Variants in VAT1L observed in about 807,000 individuals in gnomAD.
VAT1L encodes vesicle amine transport 1 like, also known as putative NADPH-dependent quinone oxidoreductase VAT1L.
In VAT1L, 34 loss-of-function variants were observed where a neutral mutation model predicts 44.1. The observed-to-expected ratio is 0.77, with a 90% CI of 0.59 to 1.03. The LOEUF is 1.03. Ranked by LOEUF, VAT1L falls within the 50% of genes least tolerant of loss-of-function variation. The pLI is 0.00. For synonymous variants in VAT1L, 253 were observed against 202.2 expected, an observed-to-expected ratio of 1.25 and a Z score of -2.13; for missense variants, 615 against 538.8, an observed-to-expected ratio of 1.14 and a Z score of -1.40.
At chr16:77,833,703 A>T (rs887032077) in intron 3 of VAT1L, among the ~76,000 whole-genome samples, 5 of 152,074 alleles carry the variant, frequency 3.3e-5, no homozygotes, top group Admixed American at 6.6e-5. Flanking sequence ...GTGAGCCGGG[A>T]TCACACCATT....
rs185903046 is a variant in VAT1L, at chr16:77,861,940, A to G, written c.580-808A>G. Among the ~76,000 whole-genome samples the G allele has an allele frequency of 2.5e-3, 381 of 152,316 alleles. 2 individuals carry two copies. Among genetic ancestry groups the G allele is most frequent in the Non-Finnish European group, 3.0e-3 (201 of 68,028 alleles). ...CATCTTTTATTGGCTGCCTTCTTTT[A>G]CTGTCTTAATACCTTGTTATTTCCG... On this transcript the variant is annotated intron_variant, in intron 3 of 8. Coordinates refer to ENST00000302536, the MANE Select transcript of VAT1L (RefSeq NM_020927.3).
At chr16:77,944,292 G>C (rs773531992) in intron 7 of VAT1L, among the ~76,000 whole-genome samples, 10 of 152,088 alleles carry the variant, frequency 6.6e-5, no homozygotes, top group Non-Finnish European at 1.3e-4. Context: ...TACTCTACTG[G>C]AATACTAGAG....
chr16:77,811,479 A>G (rs2016265070), intron 1 of VAT1L, among the ~76,000 whole-genome samples: 1 of 152,212 alleles, frequency 6.6e-6, no homozygotes, highest in Admixed American at 6.5e-5. Flanking sequence ...ACCATGGTTT[A>G]TAGATCACAC....
chr16:77,976,350 A>C lies in VAT1L; in HGVS notation c.1162-1247A>C, dbSNP rs551036086. Among the ~76,000 whole-genome samples the C allele has an allele frequency of 2.0e-5, 3 of 152,322 alleles. No individual in the cohort carries two copies. The East Asian group carries it at 5.8e-4, about 29-fold the overall frequency. ...GAATTCTGCAAAGGCTTCCTTGAGGAAGCAGGATGAGCCCTAAAGGAAACA... is the reference window on the plus strand; with the variant it reads ...GAATTCTGCAAAGGCTTCCTTGAGGCAGCAGGATGAGCCCTAAAGGAAACA... On this transcript the variant is annotated intron_variant, in intron 8 of 8. Transcript: ENST00000302536.
intron 1 of VAT1L, among the ~76,000 whole-genome samples, chr16:77,809,909 A>G (rs1251577714): frequency 6.6e-6 from 1 of 152,216 alleles, no homozygotes; most frequent in Non-Finnish European, 1.5e-5. Context: ...AGCCTGTCTG[A>G]TATTTTTATC....
intron 7 of VAT1L, among the ~76,000 whole-genome samples, chr16:77,921,435 TC>T (rs2017610856): frequency 6.6e-6 from 1 of 152,160 alleles, no homozygotes; most frequent in Admixed American, 6.6e-5. Flanking sequence ...AAGAAATACA[TC>T]CAGTGGGAGA....
intron 7 of VAT1L, among the ~76,000 whole-genome samples, chr16:77,946,998 C>G (rs1465513319): frequency 6.6e-6 from 1 of 152,182 alleles, no homozygotes; most frequent in Non-Finnish European, 1.5e-5. Context: ...CTGTTTTTAT[C>G]TCGTTACCAT....
chr16:77,906,198 C>T (rs778217741), intron 7 of VAT1L, among the ~76,000 whole-genome samples: 46 of 152,154 alleles, frequency 3.0e-4, no homozygotes, highest in Admixed American at 1.2e-3. Context: ...CAGCAAAGCC[C>T]CTTTGTTTTA....
At chr16:77,804,734 G>A (rs2016125167) in intron 1 of VAT1L, among the ~76,000 whole-genome samples, 1 of 152,076 alleles carries the variant, frequency 6.6e-6, no homozygotes, top group African/African-American at 2.4e-5. Context: ...GGCATCTTGT[G>A]CTCCTGCTAC....
intron 7 of VAT1L, among the ~76,000 whole-genome samples, chr16:77,967,519 G>A (rs922806145): frequency 2.0e-5 from 3 of 152,180 alleles, no homozygotes; most frequent in South Asian, 2.1e-4. Flanking sequence ...TGCACACAGC[G>A]TGAATAGGAG....
intron 7 of VAT1L, among the ~76,000 whole-genome samples, chr16:77,927,076 C>T (rs58516735): frequency 0.038 from 5,778 of 152,174 alleles, 521 homozygotes; most frequent in East Asian, 0.33. Context: ...CGGTGGCTCA[C>T]GCCTGTAATC....
intron 7 of VAT1L, among the ~76,000 whole-genome samples, chr16:77,907,906 C>T (rs1211370365): frequency 6.6e-6 from 1 of 152,146 alleles, no homozygotes; most frequent in African/African-American, 2.4e-5. Context: ...CAGAGAGTAG[C>T]AGTGAAAGAT....
chr16:77,857,337 C>A (rs766070840), intron 3 of VAT1L, among the ~76,000 whole-genome samples: 4 of 152,142 alleles, frequency 2.6e-5, no homozygotes, highest in African/African-American at 4.8e-5. Context: ...GATAAATGAG[C>A]TGCTGATCCT....
chr16:77,886,117 CT>C (rs1193383858), intron 7 of VAT1L, among the ~76,000 whole-genome samples: 2 of 152,162 alleles, frequency 1.3e-5, no homozygotes, highest in Non-Finnish European at 2.9e-5. Flanking sequence ...TCCTTCCAGT[CT>C]TTTTTCTATT....
At chr16:77,953,939 G>A (rs1393312564) in intron 7 of VAT1L, among the ~76,000 whole-genome samples, 3 of 152,116 alleles carry the variant, frequency 2.0e-5, no homozygotes, top group Non-Finnish European at 2.9e-5. Context: ...TTCTGCTCAT[G>A]TTGCACTAAG....
intron 1 of VAT1L, among the ~76,000 whole-genome samples, chr16:77,789,274 A>G (rs1388343002): frequency 1.3e-5 from 2 of 152,142 alleles, no homozygotes; most frequent in Non-Finnish European, 2.9e-5. Flanking sequence ...AAATATATGT[A>G]TTAAGAACCG....
chr16:77,827,793 C>G (rs986232407), intron 3 of VAT1L, among the ~76,000 whole-genome samples: 4 of 152,100 alleles, frequency 2.6e-5, no homozygotes, highest in Non-Finnish European at 4.4e-5. Flanking sequence ...TCTGTGGTTT[C>G]TCATAAGAAA....
At chr16:77,957,818 C>A (rs2018120362) in intron 7 of VAT1L, among the ~76,000 whole-genome samples, 1 of 150,838 alleles carries the variant, frequency 6.6e-6, no homozygotes, top group Non-Finnish European at 1.5e-5. Flanking sequence ...TATAGTTCTA[C>A]CATTCTCGTG....
chr16:77,879,555 G>T lies in VAT1L; in HGVS notation c.882+331G>T, dbSNP rs2017127793. On this transcript the variant is annotated intron_variant, in intron 6 of 8. Transcript: ENST00000302536. This position sits in a 1 kb window ranked among gnomAD's most constrained non-coding sequence, Gnocchi z 4.1. ...CCCGCCTCAGCCTCCCAAAGTGCTG[G>T]GATTACAGGCGTGAGCCACCGCACC... is the stretch of plus-strand genomic sequence containing the variant. Among the ~76,000 whole-genome samples, 1 of 152,206 alleles carries T rather than the reference G, an allele frequency of 6.6e-6. No homozygotes were observed. The highest frequency in any genetic ancestry group is 2.4e-5 in the African/African-American group (1 of 41,448).
Sources: allele counts gnomAD v4.1 joint callset (sites outside exome capture counted in the v4.1 genomes callset), GRCh38; gene constraint gnomAD v4.1.1; non-coding constraint Gnocchi (gnomAD v3.1); transcripts MANE v1.5; gene names NCBI Gene and HGNC (gene_info 2026-07-23, HGNC 2026-07-21).